The following EPN2 variants were observed in gnomAD, a reference collection of about 807,000 sequenced individuals.
The protein encoded by EPN2 is epsin 2, also known as epsin-2.
A neutral mutation model predicts 61.7 loss-of-function variants in EPN2; 34 were observed. The observed-to-expected ratio is 0.55, with a 90% confidence interval of 0.42 to 0.73. The LOEUF (loss-of-function observed/expected upper bound fraction) is 0.73. Among genes scored for constraint, EPN2 ranks in the 30% least tolerant of loss-of-function variants. The pLI, the probability that EPN2 is intolerant of heterozygous loss-of-function variation, is 0.00. For synonymous variants in EPN2, 349 were observed against 353.6 expected, an observed-to-expected ratio of 0.99 and a Z score of 0.15; for missense variants, 714 against 839.2, an observed-to-expected ratio of 0.85 and a Z score of 1.84.
intron 1 of EPN2, among the ~76,000 whole-genome samples, chr17:19,269,518 C>T (rs1597983324): frequency 6.6e-6 from 1 of 152,204 alleles, no homozygotes; most frequent in Non-Finnish European, 1.5e-5. Context: ...GATGTGAGTT[C>T]TGAAGAACAC....
intron 1 of EPN2, among the ~76,000 whole-genome samples, chr17:19,261,689 C>T (rs1220646361): frequency 1.3e-5 from 2 of 152,126 alleles, no homozygotes; most frequent in South Asian, 2.1e-4. Context: ...CTTATGATAG[C>T]GTGGATGTGT....
In EPN2 at chr17:19,321,831, TG is replaced by T. The variant is rs1906651170; in HGVS notation, c.1148-6879del. The stretch of plus-strand genomic sequence containing the variant: ...TTGGCCCCAGGTCTCCCGTGTCCTC[TG>T]TGTTGTGTCACCGCAGTCCTGAAGT... On this transcript the variant is annotated intron_variant, in intron 7 of 10. Transcript: ENST00000314728. Among the ~76,000 whole-genome samples the T allele has an allele frequency of 2.0e-5, 3 of 152,150 alleles. No individual in the cohort carries two copies. In the South Asian group the frequency reaches 6.2e-4, roughly 32 times the overall value.
intron 1 of EPN2, among the ~76,000 whole-genome samples, chr17:19,268,831 CAGAG>C (rs2045226721): frequency 6.6e-6 from 1 of 152,310 alleles, no homozygotes; most frequent in South Asian, 2.1e-4. Flanking sequence ...TGCATAACAA[CAGAG>C]AGAACCTCAG....
chr17:19,311,376 C>G (rs1906129696), intron 5 of EPN2, among the ~76,000 whole-genome samples: 1 of 152,082 alleles, frequency 6.6e-6, no homozygotes, highest in Non-Finnish European at 1.5e-5. Flanking sequence ...AGTTCAAACT[C>G]CCGTGCTGAT....
At chr17:19,261,012 GA>G (rs1433452105) in intron 1 of EPN2, among the ~76,000 whole-genome samples, 2 of 152,174 alleles carry the variant, frequency 1.3e-5, no homozygotes, top group Non-Finnish European at 2.9e-5. Context: ...CACCCCTGAG[GA>G]AAGGCACCTG....
intron 1 of EPN2, among the ~76,000 whole-genome samples, chr17:19,277,864 A>G (rs2045323028): frequency 6.6e-6 from 1 of 152,130 alleles, no homozygotes; most frequent in Admixed American, 6.5e-5. Context: ...CGAGGTCAGG[A>G]GATCGAGACC....
intron 7 of EPN2, among the ~76,000 whole-genome samples, chr17:19,322,739 C>CT (rs1385774069): frequency 2.0e-4 from 26 of 130,312 alleles, no homozygotes; most frequent in African/African-American, 5.3e-4. Flanking sequence ...GAACCTGTCT[C>CT]TAAAAAAAAA....
At chr17:19,315,326 G>A (rs1236328369) in intron 7 of EPN2, among the ~76,000 whole-genome samples, 2 of 152,136 alleles carry the variant, frequency 1.3e-5, no homozygotes, top group Non-Finnish European at 1.5e-5. Context: ...ACCCTGGGGT[G>A]AGACTCGGTA....
intron 1 of EPN2, among the ~76,000 whole-genome samples, chr17:19,257,196 C>G (rs1384060360): frequency 6.6e-6 from 1 of 151,812 alleles, no homozygotes; most frequent in Non-Finnish European, 1.5e-5. Context: ...GCTATTTTGT[C>G]TTTGAACAAA....
At chr17:19,308,229 A>G (rs1905945284) in intron 4 of EPN2, 1 of 483,058 alleles carries the variant, frequency 2.1e-6, no homozygotes, top group African/African-American at 2.1e-5. Flanking sequence ...GCCCGCCACC[A>G]CACCCAGCTA....
intron 1 of EPN2, among the ~76,000 whole-genome samples, chr17:19,278,040 C>T (rs1225434778): frequency 6.7e-6 from 1 of 149,112 alleles, no homozygotes; most frequent in Non-Finnish European, 1.5e-5. Flanking sequence ...CACCACTGCA[C>T]CAGCCTGGGC....
chr17:19,334,079 G>A lies in EPN2; in HGVS notation c.1751G>A (p.Gly584Glu). 1.2e-6 allele frequency: 2 copies of A among 1,610,594 alleles called. No individual in the cohort carries two copies. Among genetic ancestry groups the A allele is most frequent in the African/African-American group, 1.3e-5 (1 of 75,022 alleles). Reference protein sequence around the residue: ...GTSTSFGPGPGVESMAVASMT... With the variant: ...GTSTSFGPGPEVESMAVASMT... ...AGCACATCCTTTGGGCCTGGCCCAGGAGTGGAGTCCATGGCTGTGGCCTCG... is the reference window on the plus strand; with the variant it reads ...AGCACATCCTTTGGGCCTGGCCCAGAAGTGGAGTCCATGGCTGTGGCCTCG... Residue 584 changes from glycine to glutamate, a missense_variant, in exon 11 of 11, where the codon GGA (glycine) becomes GAA (glutamate). By Grantham distance (98) the Gly-to-Glu change is moderately conservative (BLOSUM62 -2). Transcript: ENST00000314728. The surrounding 1 kb of genome is among the most constrained non-coding windows in gnomAD (Gnocchi z 4.9).
chr17:19,308,668 A>G, intron 4 of EPN2: 3 of 985,428 alleles, frequency 3.0e-6, no homozygotes, highest in Non-Finnish European at 3.6e-6. Flanking sequence ...AGGGCAAGGA[A>G]CCATCTAAAG....
At chr17:19,333,513 C>T (rs956290773) in intron 10 of EPN2, among the ~76,000 whole-genome samples, 2 of 152,214 alleles carry the variant, frequency 1.3e-5, no homozygotes, top group African/African-American at 2.4e-5. Flanking sequence ...TGCAGGATTT[C>T]TAGCCTTCGC....
At chr17:19,302,460 G>A (rs1293443903) in intron 4 of EPN2, among the ~76,000 whole-genome samples, 3 of 152,184 alleles carry the variant, frequency 2.0e-5, no homozygotes, top group Non-Finnish European at 4.4e-5. Context: ...AGTGGCATTA[G>A]ATTCTCATAG....
At chr17:19,297,072 C>T (rs141210169) in intron 4 of EPN2, 1 of 152,324 alleles carries the variant, frequency 6.6e-6, no homozygotes, top group African/African-American at 2.4e-5. Context: ...ACATAGTATT[C>T]CTCTGGGTGA....
intron 4 of EPN2, among the ~76,000 whole-genome samples, chr17:19,286,251 G>A (rs1403464639): frequency 6.6e-6 from 1 of 152,082 alleles, no homozygotes; most frequent in Non-Finnish European, 1.5e-5. Flanking sequence ...ATGCAGTAAT[G>A]TATGCCTTGC....
At chr17:19,309,495 C>A (rs1906014757) in intron 4 of EPN2, among the ~76,000 whole-genome samples, 1 of 152,180 alleles carries the variant, frequency 6.6e-6, no homozygotes, top group South Asian at 2.1e-4. Flanking sequence ...TGCCCTCCAC[C>A]TGTTTGAAGG....
chr17:19,259,409 T>G (rs1254801133), intron 1 of EPN2, among the ~76,000 whole-genome samples: 1 of 145,906 alleles, frequency 6.9e-6, no homozygotes, highest in Non-Finnish European at 1.5e-5. Flanking sequence ...ACCTCCCGGG[T>G]TCACACCATT....
Sources: allele counts gnomAD v4.1 joint callset (sites outside exome capture counted in the v4.1 genomes callset), GRCh38; gene constraint gnomAD v4.1.1; non-coding constraint Gnocchi (gnomAD v3.1); transcripts MANE v1.5; gene names NCBI Gene and HGNC (gene_info 2026-07-23, HGNC 2026-07-21).